The following TAFA1 variants were observed in gnomAD, a reference collection of about 807,000 sequenced individuals.
TAFA1 encodes the protein chemokine-like protein TAFA-1.
TAFA1 carries 4 observed loss-of-function variants against 18.5 expected under a neutral mutation model. The ratio of observed to expected loss-of-function variants is 0.22; its 90% CI spans 0.11 to 0.49. The LOEUF (loss-of-function observed/expected upper bound fraction) is 0.49, where lower values mean the gene tolerates loss of function less well. TAFA1 is among the 20% of genes least tolerant of loss of function. TAFA1 has a pLI of 0.98. For synonymous variants in TAFA1, 56 were observed against 55.2 expected (o/e 1.01, Z -0.06); for missense variants, 147 against 169.0 (o/e 0.87, Z 0.72).
chr3:68,413,311 T>C (rs1427383217), intron 2 of TAFA1, among the ~76,000 whole-genome samples: 3 of 152,202 alleles, frequency 2.0e-5, no homozygotes, highest in African/African-American at 7.2e-5. Flanking sequence ...AAAATTTTTC[T>C]CCCATTCTGT....
chr3:68,284,629 A>C (rs1210069116), intron 2 of TAFA1, among the ~76,000 whole-genome samples: 1 of 152,204 alleles, frequency 6.6e-6, no homozygotes, highest in Non-Finnish European at 1.5e-5. Flanking sequence ...AAAACTGCCC[A>C]GCAATAAAAA....
chr3:68,038,976 G>GTGAC (rs1322046118), intron 2 of TAFA1, among the ~76,000 whole-genome samples: 1 of 152,094 alleles, frequency 6.6e-6, no homozygotes, highest in Non-Finnish European at 1.5e-5. Flanking sequence ...TAACTCATAT[G>GTGAC]TGACTTTCAC....
intron 2 of TAFA1, among the ~76,000 whole-genome samples, chr3:68,310,602 C>G (rs35277041): frequency 0.41 from 62,575 of 151,856 alleles, 15,004 homozygotes; most frequent in Non-Finnish European, 0.54. Flanking sequence ...CTATCATAAA[C>G]TTGAATCTTA....
intron 3 of TAFA1, among the ~76,000 whole-genome samples, chr3:68,485,170 G>A (rs879935226): frequency 2.6e-5 from 4 of 152,058 alleles, no homozygotes; most frequent in East Asian, 3.9e-4. Context: ...AACAATTGCC[G>A]CAGCTACAGG....
chr3:68,303,057 G>A (rs1258328679), intron 2 of TAFA1, among the ~76,000 whole-genome samples: 5 of 152,002 alleles, frequency 3.3e-5, no homozygotes, highest in Admixed American at 6.5e-5. Context: ...TATATGTCAA[G>A]GTGCCTGGTA....
intron 3 of TAFA1, among the ~76,000 whole-genome samples, chr3:68,424,152 C>T (rs1296590616): frequency 2.0e-5 from 3 of 151,998 alleles, no homozygotes; most frequent in Admixed American, 6.6e-5. Flanking sequence ...AAACTTACAA[C>T]GTAACAGAAC....
intron 2 of TAFA1, among the ~76,000 whole-genome samples, chr3:68,314,790 G>T (rs549122136): frequency 1.3e-5 from 2 of 151,884 alleles, no homozygotes; most frequent in Non-Finnish European, 2.9e-5. Flanking sequence ...GCTTCAGGAC[G>T]AAAAAGATCA....
At chr3:68,045,448 A>C (rs770718954) in intron 2 of TAFA1, among the ~76,000 whole-genome samples, 35 of 152,228 alleles carry the variant, frequency 2.3e-4, no homozygotes, top group Non-Finnish European at 2.5e-4. Context: ...CACCATAGTT[A>C]GTATTATAGA....
intron 2 of TAFA1, among the ~76,000 whole-genome samples, chr3:68,144,608 A>G (rs1246378281): frequency 6.6e-6 from 1 of 152,224 alleles, no homozygotes; most frequent in African/African-American, 2.4e-5. Context: ...CCCATTGGCT[A>G]CTTATGTAGG....
chr3:68,350,710 C>T (rs1243448626), intron 2 of TAFA1, among the ~76,000 whole-genome samples: 1 of 152,080 alleles, frequency 6.6e-6, no homozygotes, highest in Non-Finnish European at 1.5e-5. Flanking sequence ...CATGTACGAA[C>T]ATACATTCCA....
At chr3:68,266,186 T>C (rs970561657) in intron 2 of TAFA1, among the ~76,000 whole-genome samples, 3 of 152,174 alleles carry the variant, frequency 2.0e-5, no homozygotes, top group African/African-American at 4.8e-5. Flanking sequence ...ATCTTTCTCA[T>C]GTAGCGCGCT....
At chr3:67,997,153 A>G in the TAFA1 span, among the ~76,000 whole-genome samples, 6 of 152,228 alleles carry the variant, frequency 3.9e-5, no homozygotes, top group Non-Finnish European at 8.8e-5. Flanking sequence ...GTTTCAATAG[A>G]ATTCTATACA....
At chr3:68,319,453 G>A (rs2068662349) in intron 2 of TAFA1, among the ~76,000 whole-genome samples, 2 of 152,168 alleles carry the variant, frequency 1.3e-5, no homozygotes, top group Non-Finnish European at 2.9e-5. Flanking sequence ...GTGGGTAGAA[G>A]CCAGGGATGC....
At chr3:68,459,187 C>A (rs2071727018) in intron 3 of TAFA1, among the ~76,000 whole-genome samples, 1 of 152,150 alleles carries the variant, frequency 6.6e-6, no homozygotes, top group Non-Finnish European at 1.5e-5. Context: ...GAGGGCAATT[C>A]CCATTGCAGG....
At chr3:68,266,837 G>A (rs752214476) in intron 2 of TAFA1, among the ~76,000 whole-genome samples, 5 of 152,264 alleles carry the variant, frequency 3.3e-5, no homozygotes, top group African/African-American at 1.2e-4. Flanking sequence ...TCAGCGATAA[G>A]TATGTGGTTT....
chr3:68,433,650 A>G (rs1471172506), intron 3 of TAFA1, among the ~76,000 whole-genome samples: 2 of 152,122 alleles, frequency 1.3e-5, no homozygotes, highest in African/African-American at 4.8e-5. Context: ...ATGTAGTGGG[A>G]CAAGATCAAA....
At chr3:68,145,147 T>A (rs1421554135) in intron 2 of TAFA1, 1 of 856,580 alleles carries the variant, frequency 1.2e-6, no homozygotes, top group Non-Finnish European at 2.1e-6. Context: ...TGCTCCGTAA[T>A]GACATGAATA....
At chr3:68,391,750 C>A (rs888524925) in intron 2 of TAFA1, among the ~76,000 whole-genome samples, 4 of 152,074 alleles carry the variant, frequency 2.6e-5, no homozygotes, top group African/African-American at 9.7e-5. Flanking sequence ...ATTTCATATC[C>A]AGCCAAACTA....
chr3:68,381,294 C>A (rs1575819572), intron 2 of TAFA1, among the ~76,000 whole-genome samples: 1 of 150,784 alleles, frequency 6.6e-6, no homozygotes, highest in African/African-American at 2.4e-5. Context: ...TAGTTTTTTC[C>A]AATTCTGTGA....
Sources: allele counts gnomAD v4.1 joint callset (sites outside exome capture counted in the v4.1 genomes callset), GRCh38; gene constraint gnomAD v4.1.1; transcripts MANE v1.5; gene names NCBI Gene and HGNC (gene_info 2026-07-23, HGNC 2026-07-21).